Variants in FAF1 observed in about 807,000 individuals in gnomAD.
The protein encoded by FAF1 is FAS-associated factor 1.
A neutral mutation model predicts 92.5 loss-of-function variants in FAF1; 25 were observed. That is an observed-to-expected ratio of 0.27 (90% CI 0.20 to 0.38). The LOEUF is 0.38. Among genes scored for constraint, FAF1 ranks in the 10% least tolerant of loss-of-function variants. The probability of loss-of-function intolerance (pLI) is 1.00; values close to 1 mark genes in which losing one functional copy is unlikely to be tolerated. For synonymous variants in FAF1, 234 were observed against 273.2 expected, an observed-to-expected ratio of 0.86 and a Z score of 1.42; for missense variants, 636 against 793.3, an observed-to-expected ratio of 0.80 and a Z score of 2.38.
At chr1:50,845,229 C>T (rs943414412) in intron 2 of FAF1, among the ~76,000 whole-genome samples, 3 of 152,316 alleles carry the variant, frequency 2.0e-5, no homozygotes, top group South Asian at 4.1e-4. Flanking sequence ...GGAAGATGTA[C>T]GCCTGCAGTT....
At chr1:50,554,537 T>C (rs1239199792) in intron 13 of FAF1, among the ~76,000 whole-genome samples, 2 of 151,958 alleles carry the variant, frequency 1.3e-5, no homozygotes, top group African/African-American at 2.4e-5. Context: ...ATAGTCTTGC[T>C]CTTAGCTACT....
chr1:50,893,708 G>A (rs376247463), intron 1 of FAF1, among the ~76,000 whole-genome samples: 16 of 152,068 alleles, frequency 1.1e-4, no homozygotes, highest in Admixed American at 9.2e-4. Context: ...AACTATGTTC[G>A]CACAAGGTCC....
At chr1:50,731,676 C>T (rs1305207542) in intron 6 of FAF1, among the ~76,000 whole-genome samples, 1 of 152,000 alleles carries the variant, frequency 6.6e-6, no homozygotes, top group Non-Finnish European at 1.5e-5. Context: ...CCTCAAAACA[C>T]TTGTCTTCTA....
chr1:50,923,013 A>C (rs1251285678), intron 1 of FAF1, among the ~76,000 whole-genome samples: 1 of 152,154 alleles, frequency 6.6e-6, no homozygotes, highest in Non-Finnish European at 1.5e-5. Flanking sequence ...CAAATTGGAA[A>C]ACCTAGAGTA....
intron 8 of FAF1, among the ~76,000 whole-genome samples, chr1:50,637,716 T>TGTGC (rs1654122206): frequency 6.7e-6 from 1 of 149,880 alleles, no homozygotes; most frequent in South Asian, 2.1e-4. Context: ...TGTGTGTGCG[T>TGTGC]GTGCATATGT....
At chr1:50,839,675 T>A (rs920783715) in intron 2 of FAF1, among the ~76,000 whole-genome samples, 1 of 152,088 alleles carries the variant, frequency 6.6e-6, no homozygotes, top group Non-Finnish European at 1.5e-5. Flanking sequence ...ACCTGTTTAA[T>A]CTTCAATACC....
chr1:50,885,005 G>A (rs906135572), intron 1 of FAF1, among the ~76,000 whole-genome samples: 4 of 152,044 alleles, frequency 2.6e-5, no homozygotes, highest in African/African-American at 4.8e-5. Context: ...ATCTTGGAAG[G>A]TTTTATTTGT....
At chr1:50,619,062 C>T (rs1653068648) in intron 8 of FAF1, among the ~76,000 whole-genome samples, 1 of 152,088 alleles carries the variant, frequency 6.6e-6, no homozygotes, top group African/African-American at 2.4e-5. Context: ...TGGCCCCTTG[C>T]TCTATTATGT....
At chr1:50,884,571 G>A (rs569705760) in intron 1 of FAF1, among the ~76,000 whole-genome samples, 1 of 151,082 alleles carries the variant, frequency 6.6e-6, no homozygotes, top group African/African-American at 2.4e-5. Flanking sequence ...AGATTTACTT[G>A]TGTATGCTGA....
At chr1:50,759,399 G>A (rs908606683) in intron 4 of FAF1, among the ~76,000 whole-genome samples, 1 of 147,940 alleles carries the variant, frequency 6.8e-6, no homozygotes, top group Non-Finnish European at 1.5e-5. Flanking sequence ...AGAATATGCA[G>A]TGTTTGGTTT....
intron 4 of FAF1, among the ~76,000 whole-genome samples, chr1:50,770,546 T>C (rs1014909677): frequency 6.6e-6 from 1 of 152,050 alleles, no homozygotes; most frequent in Non-Finnish European, 1.5e-5. Flanking sequence ...TACAGCTAAC[T>C]AGGGAGGTGA....
At chr1:50,653,749 C>T (rs1163803575) in intron 8 of FAF1, among the ~76,000 whole-genome samples, 1 of 152,040 alleles carries the variant, frequency 6.6e-6, no homozygotes, top group Non-Finnish European at 1.5e-5. Flanking sequence ...GCCTATAATC[C>T]CAGCTACTTG....
intron 6 of FAF1, among the ~76,000 whole-genome samples, chr1:50,706,202 T>C (rs569047179): frequency 6.6e-6 from 1 of 152,332 alleles, no homozygotes; most frequent in South Asian, 2.1e-4. Context: ...AACAAAGCTG[T>C]CAATTATATC....
chr1:50,653,924 T>C (rs1654989832), intron 8 of FAF1, among the ~76,000 whole-genome samples: 1 of 152,032 alleles, frequency 6.6e-6, no homozygotes, highest in East Asian at 1.9e-4. Context: ...GGCTTCGGCC[T>C]CCCAAAGTGC....
At chr1:50,709,566 T>C (rs1458492937) in intron 6 of FAF1, among the ~76,000 whole-genome samples, 3 of 152,162 alleles carry the variant, frequency 2.0e-5, no homozygotes, top group Non-Finnish European at 4.4e-5. Flanking sequence ...TAATTGCCCC[T>C]GGTCATCAAG....
chr1:50,932,445 C>G (rs1349591576), intron 1 of FAF1, among the ~76,000 whole-genome samples: 1 of 152,204 alleles, frequency 6.6e-6, no homozygotes, highest in East Asian at 1.9e-4. Context: ...TCCAGCGGGG[C>G]AGTTAAATTT....
intron 5 of FAF1, among the ~76,000 whole-genome samples, chr1:50,744,444 T>C (rs538626711): frequency 6.6e-6 from 1 of 152,252 alleles, no homozygotes. Flanking sequence ...AAGTTAGAAA[T>C]AGGAAAAACA....
chr1:50,488,792 C>T (rs959561963), intron 17 of FAF1, among the ~76,000 whole-genome samples: 6 of 152,156 alleles, frequency 3.9e-5, no homozygotes, highest in Non-Finnish European at 8.8e-5. Flanking sequence ...AACCTTGTAG[C>T]TTGTTTTAAT....
In FAF1 at chr1:50,655,478, T is replaced by A. The variant is rs1180535179; in HGVS notation, c.708A>T (p.Leu236Phe). The change falls in exon 8 of 19, where the codon TTA becomes TTT. Residue 236 changes from leucine (L) to phenylalanine (F), a missense_variant. By Grantham distance (22) the Leu-to-Phe change is conservative. Transcript: ENST00000396153. ...TAGCAGAAGTTGGCCAGCCCTCCCA[T>A]AATTGGTGGCGAACGGGGATACTTG... is the stretch of plus-strand genomic sequence containing the variant. ...DLTSIPVRHQ[L>F]WEGWPTSATD... The A allele has an allele frequency of 6.2e-7, 1 of 1,613,916 alleles. No individual in the cohort carries two copies. Among genetic ancestry groups the A allele is most frequent in the Non-Finnish European group, 8.5e-7 (1 of 1,179,764 alleles).
Sources: allele counts gnomAD v4.1 joint callset (sites outside exome capture counted in the v4.1 genomes callset), GRCh38; gene constraint gnomAD v4.1.1; transcripts MANE v1.5; gene names NCBI Gene and HGNC (gene_info 2026-07-23, HGNC 2026-07-21).